The following ATP2B4 variants were observed in gnomAD, a reference collection of about 807,000 sequenced individuals.
ATP2B4 encodes ATPase plasma membrane Ca2+ transporting 4.
ATP2B4 carries 39 observed loss-of-function variants against 110.3 expected under a neutral mutation model. The observed-to-expected ratio is 0.35, with a 90% CI of 0.27 to 0.46. The LOEUF (loss-of-function observed/expected upper bound fraction) is 0.46. Ranked by LOEUF, ATP2B4 falls within the 20% of genes least tolerant of loss-of-function variation. The probability of loss-of-function intolerance (pLI) is 1.00; values close to 1 mark genes in which losing one functional copy is unlikely to be tolerated. For synonymous variants in ATP2B4, 538 were observed against 571.7 expected, an observed-to-expected ratio of 0.94 and a Z score of 0.84; for missense variants, 1,135 against 1,530.9, an observed-to-expected ratio of 0.74 and a Z score of 4.32.
At chr1:203,672,723 T>TTGTTTTCCCCTCATCTGTGTA (rs1337245318) in intron 1 of ATP2B4, among the ~76,000 whole-genome samples, 2 of 152,116 alleles carry the variant, frequency 1.3e-5, no homozygotes, top group Non-Finnish European at 2.9e-5. Context: ...TCTTTTGTTT[T>TTGTTTTCCCCTCATCTGTGTA]TGTTTTCCCC....
intron 8 of ATP2B4, among the ~76,000 whole-genome samples, chr1:203,704,919 G>A (rs945349571): frequency 1.3e-5 from 2 of 151,968 alleles, no homozygotes; most frequent in Non-Finnish European, 2.9e-5. Flanking sequence ...TCAGTTCAGG[G>A]GGTCTGGTGT....
At chr1:203,681,856 C>T (rs529549400) in intron 1 of ATP2B4, among the ~76,000 whole-genome samples, 2 of 151,922 alleles carry the variant, frequency 1.3e-5, no homozygotes, top group Admixed American at 1.3e-4. Flanking sequence ...CTTACCGCTC[C>T]CACTCCAGAG....
intron 15 of ATP2B4, among the ~76,000 whole-genome samples, 176 bp downstream of exon 15, chr1:203,714,453 T>A (rs1666102633): frequency 6.6e-6 from 1 of 152,046 alleles, no homozygotes; most frequent in Admixed American, 6.6e-5. Flanking sequence ...TGGGGACCCA[T>A]CAAGTATGAA....
chr1:203,650,549 C>T (rs1410321174), intron 1 of ATP2B4, among the ~76,000 whole-genome samples: 2 of 152,158 alleles, frequency 1.3e-5, no homozygotes, highest in Non-Finnish European at 2.9e-5. Flanking sequence ...AGCTGCTTCC[C>T]GGGCCGCGCT....
chr1:203,662,889 T>C (rs1446259827), intron 1 of ATP2B4, among the ~76,000 whole-genome samples: 3 of 152,202 alleles, frequency 2.0e-5, no homozygotes, highest in Non-Finnish European at 4.4e-5. Context: ...GTTTTACTCT[T>C]CCAGAGGTCT....
chr1:203,713,117 A>T (rs1558047146), intron 13 of ATP2B4, 48 bp from the exon 14 acceptor site: 1 of 1,605,324 alleles, frequency 6.2e-7, no homozygotes, highest in Admixed American at 1.7e-5. Context: ...ATTTTCCTGG[A>T]TAGCTTTTCT....
chr1:203,660,612 C>T (rs1329799874), intron 1 of ATP2B4, among the ~76,000 whole-genome samples: 1 of 151,618 alleles, frequency 6.6e-6, no homozygotes, highest in East Asian at 1.9e-4. Flanking sequence ...CCAGCCTGGC[C>T]AACATGGTGA....
intron 20 of ATP2B4, among the ~76,000 whole-genome samples, chr1:203,737,695 G>C (rs1666907696): frequency 1.3e-5 from 2 of 152,316 alleles, no homozygotes; most frequent in Middle Eastern, 3.4e-3. Context: ...GGTCCTCGCT[G>C]TCTGTTCAGC....
chr1:203,671,355 T>A (rs917600858), intron 1 of ATP2B4, among the ~76,000 whole-genome samples: 2 of 152,152 alleles, frequency 1.3e-5, no homozygotes, highest in Non-Finnish European at 2.9e-5. Flanking sequence ...AAAAAATAAG[T>A]CTCACTATGT....
At chr1:203,725,939 T>C (rs929706361) in intron 19 of ATP2B4, among the ~76,000 whole-genome samples, 1 of 119,748 alleles carries the variant, frequency 8.4e-6, no homozygotes, top group African/African-American at 3.3e-5. Flanking sequence ...GAGATGGGGG[T>C]CTCAGGCCAG....
chr1:203,634,962 C>T (rs977328595), intron 1 of ATP2B4, among the ~76,000 whole-genome samples: 8 of 152,078 alleles, frequency 5.3e-5, no homozygotes, highest in Non-Finnish European at 1.0e-4. Context: ...CCGCACCCGG[C>T]CCCATTTATT....
chr1:203,722,451 C>A (rs985448676), intron 17 of ATP2B4, 27 bp from the exon 18 acceptor site: 2 of 1,561,586 alleles, frequency 1.3e-6, no homozygotes, highest in African/African-American at 2.7e-5. Context: ...CACACTTAAC[C>A]TCCAGTGCTT....
intron 1 of ATP2B4, among the ~76,000 whole-genome samples, chr1:203,645,462 G>A (rs564791379): frequency 1.3e-3 from 196 of 152,056 alleles, no homozygotes; most frequent in South Asian, 3.1e-3. Context: ...CTAGTTTTGT[G>A]AGGGGTTTTT....
intron 1 of ATP2B4, among the ~76,000 whole-genome samples, chr1:203,674,279 A>C (rs1477034478): frequency 6.6e-6 from 1 of 152,068 alleles, no homozygotes. Context: ...TAAACAACTG[A>C]AGGAAATGGT....
chr1:203,709,395 A>G lies in ATP2B4; in HGVS notation c.1652A>G (p.Gln551Arg). ...GTCACAGATCTGAAGCAGGATTATCAGGCTGTGCGTAATGAAGTGCCCGAG... is the reference window on the plus strand; with the variant it reads ...GTCACAGATCTGAAGCAGGATTATCGGGCTGTGCGTAATGAAGTGCCCGAG... ...GFVTDLKQDY[Q>R]AVRNEVPEEK... The change falls in exon 11 of 21, where the codon CAG (glutamine) becomes CGG (arginine). Residue 551 changes from glutamine to arginine, a missense_variant. Transcript: ENST00000357681. 1 of 1,614,226 alleles carries G rather than the reference A, an allele frequency of 6.2e-7. No homozygotes were observed. The highest frequency in any genetic ancestry group is 8.5e-7 in the Non-Finnish European group (1 of 1,180,040).
At position 203,730,894 on chromosome 1, in the gene ATP2B4, C is replaced by T. The variant is rs61742047; in HGVS notation, c.3309+3323C>T. ...AAGCTGATGAGGCTAATGATGCTAA[C>T]GTGTATCCTGGATCCCTGAGGTCCG... is the stretch of plus-strand genomic sequence containing the variant. On this transcript the variant is annotated intron_variant, in intron 20 of 20. Coordinates refer to ENST00000357681, the MANE Select transcript of ATP2B4 (RefSeq NM_001684.5). Among the ~76,000 whole-genome samples, 550 of 152,316 alleles carry T rather than the reference C, an allele frequency of 3.6e-3. 1 individual carries two copies. The highest frequency in any genetic ancestry group is 0.012 in the African/African-American group (518 of 41,578).
rs77515869 is a variant in ATP2B4 at position 203,662,679 on chromosome 1, G to T, written c.-464-20063G>T. On this transcript the variant is annotated intron_variant, in intron 1 of 20. Transcript: ENST00000357681. ...TGAATAATAATTCCATTGTATGGATGTGCCACACTTGTTTGTCCATTCATC... is the reference window on the plus strand; with the variant it reads ...TGAATAATAATTCCATTGTATGGATTTGCCACACTTGTTTGTCCATTCATC... 8.5e-3 allele frequency among the ~76,000 whole-genome samples: 1,295 copies of T among 152,282 alleles called. 21 individuals carry two copies. The highest frequency in any genetic ancestry group is 0.027 in the African/African-American group (1,115 of 41,540).
rs903578447 is a variant in ATP2B4 at position 203,713,202 on chromosome 1, TTCGGGTC to T, written c.2250_2256del (p.Arg751TrpfsTer13). 2 of 1,614,050 alleles carry T rather than the reference TTCGGGTC, an allele frequency of 1.2e-6. No homozygotes were observed. Among genetic ancestry groups the T allele is most frequent in the African/African-American group, 2.7e-5 (2 of 74,918 alleles). On this transcript the variant is annotated frameshift_variant, in exon 14 of 21. Transcript: ENST00000357681. LOFTEE classifies it high-confidence loss of function. Reference sequence around the variant, plus strand: ...AAGCTGGACAAGATCTGGCCTAAGCTTCGGGTCCTGGCGCGATCTTCTCCCACTGACA... The same window carrying T: ...AAGCTGGACAAGATCTGGCCTAAGCTCTGGCGCGATCTTCTCCCACTGACA...
intron 20 of ATP2B4, among the ~76,000 whole-genome samples, chr1:203,728,647 C>G (rs369238304): frequency 6.6e-6 from 1 of 151,146 alleles, no homozygotes; most frequent in Admixed American, 6.6e-5. Context: ...CACCTGAGGT[C>G]GGGAGTTCAA....
Sources: gnomAD v4.1 joint callset for allele counts (sites outside exome capture counted in the v4.1 genomes callset) on GRCh38, gnomAD v4.1.1 for gene constraint, MANE v1.5 for transcripts, NCBI Gene and HGNC (gene_info 2026-07-23, HGNC 2026-07-21) for gene names.